Variants in SNX13 observed in about 807,000 individuals in gnomAD.
SNX13 encodes sorting nexin-13.
SNX13 carries 45 observed loss-of-function variants against 133.6 expected under a neutral mutation model. That is an observed-to-expected ratio of 0.34 (90% CI 0.27 to 0.43). SNX13 has a LOEUF of 0.43. Among genes scored for constraint, SNX13 ranks in the 20% least tolerant of loss-of-function variants. SNX13 has a pLI of 1.00. For synonymous variants in SNX13, 414 were observed against 373.9 expected, an observed-to-expected ratio of 1.11 and a Z score of -1.24; for missense variants, 1,032 against 1,145.1, an observed-to-expected ratio of 0.90 and a Z score of 1.43.
In SNX13 at chr7:17,793,167, T is replaced by G. The variant is rs946861351; in HGVS notation, c.*878A>C. On this transcript the variant is annotated 3_prime_UTR_variant, in exon 26 of 26. Transcript: ENST00000428135. ...TAACTTTCCAGACTACTATTTAAAT[T>G]TCCATATTTTTAGAAGGACAAAATG... 2 of 152,268 alleles carry G rather than the reference T, an allele frequency of 1.3e-5. No individual in the cohort carries two copies. The highest frequency in any genetic ancestry group is 2.9e-5 in the Non-Finnish European group (2 of 67,832). The allele number at this position is 152,268 out of a possible 1,614,324, so 9.4% of individuals were successfully genotyped here. A position where few individuals can be genotyped will look rare whatever the true frequency, so the allele number is the denominator to read the frequency against.
At position 17,845,834 on chromosome 7, in the gene SNX13, A is replaced by G. The variant is rs1790456932; in HGVS notation, c.1066-140T>C. On this transcript the variant is annotated intron_variant, in intron 11 of 25. Coordinates refer to ENST00000428135, the MANE Select transcript of SNX13 (RefSeq NM_015132.5). The stretch of plus-strand genomic sequence containing the variant: ...CCCTTCTCATGCATGTTGTTTCCCA[A>G]TAGATATACATTGTGTGAATTTAAA... 3 of 516,752 alleles carry G rather than the reference A, an allele frequency of 5.8e-6. No individual in the cohort carries two copies. The East Asian group carries it at 9.9e-5, about 17-fold the overall frequency. The allele number at this position is 516,752 out of a possible 1,614,324, so 32.0% of individuals were successfully genotyped here.
intron 9 of SNX13, among the ~76,000 whole-genome samples, chr7:17,863,829 C>T (rs1217954217): frequency 6.6e-6 from 1 of 152,198 alleles, no homozygotes; most frequent in African/African-American, 2.4e-5. Context: ...CAGAAACAGA[C>T]CCTTTGTAAT....
At chr7:17,896,896 G>A (rs762562589) in intron 2 of SNX13, among the ~76,000 whole-genome samples, 23 of 152,126 alleles carry the variant, frequency 1.5e-4, no homozygotes, top group Non-Finnish European at 3.2e-4. Flanking sequence ...TTTCTAGACC[G>A]AAATGACAAC....
In SNX13 at chr7:17,858,995, T is replaced by C. The variant is rs75494506; in HGVS notation, c.838-8031A>G. Among the ~76,000 whole-genome samples the C allele has an allele frequency of 9.1e-3, 1,380 of 152,124 alleles. 19 individuals are homozygous for C. The highest frequency in any genetic ancestry group is 0.032 in the African/African-American group (1,341 of 41,546). On this transcript the variant is annotated intron_variant, in intron 9 of 25. Transcript: ENST00000428135. The stretch of plus-strand genomic sequence containing the variant: ...GAACAAAATATAAAAGTAAAAATTA[T>C]AAAACTTAGCATAGGCAAATAACTT...
chr7:17,860,127 T>C (rs1461058967), intron 9 of SNX13, among the ~76,000 whole-genome samples: 1 of 152,170 alleles, frequency 6.6e-6, no homozygotes, highest in Non-Finnish European at 1.5e-5. Context: ...AGTTTAAATT[T>C]TTCCACATCC....
intron 1 of SNX13, among the ~76,000 whole-genome samples, chr7:17,925,782 G>A (rs1800678416): frequency 6.6e-6 from 1 of 150,586 alleles, no homozygotes; most frequent in Admixed American, 6.6e-5. Context: ...ACGAAGAAGG[G>A]GAAAAAAGAG....
chr7:17,923,878 C>T (rs1800425657), intron 1 of SNX13, among the ~76,000 whole-genome samples: 3 of 152,090 alleles, frequency 2.0e-5, no homozygotes, highest in African/African-American at 4.8e-5. Context: ...TAAACCCAAG[C>T]CCCCACTGCC....
At chr7:17,875,851 C>T (rs1399195065) in intron 5 of SNX13, 61 bp from the exon 6 acceptor site, 1 of 1,334,176 alleles carries the variant, frequency 7.5e-7, no homozygotes, top group East Asian at 2.4e-5. Context: ...AATATAAATT[C>T]ATTTTAATGA....
chr7:17,928,991 C>A (rs12699917), intron 1 of SNX13, among the ~76,000 whole-genome samples: 1 of 151,660 alleles, frequency 6.6e-6, no homozygotes, highest in African/African-American at 2.4e-5. Flanking sequence ...AAGCATTTTT[C>A]AAACCTATAA....
intron 1 of SNX13, among the ~76,000 whole-genome samples, chr7:17,937,524 A>C (rs2128055731): frequency 6.6e-6 from 1 of 152,016 alleles, no homozygotes; most frequent in South Asian, 2.1e-4. Context: ...AAAAAAAAAA[A>C]AAAAAAAAAA....
intron 9 of SNX13, among the ~76,000 whole-genome samples, chr7:17,857,244 A>C (rs531631535): frequency 3.1e-4 from 47 of 152,320 alleles, no homozygotes; most frequent in Admixed American, 1.4e-3. Context: ...GCAGTAGTAA[A>C]AGTATCCCAT....
At chr7:17,874,377 A>G (rs1794461468) in intron 7 of SNX13, among the ~76,000 whole-genome samples, 1 of 152,202 alleles carries the variant, frequency 6.6e-6, no homozygotes, top group Admixed American at 6.5e-5. Flanking sequence ...ATTATTGATA[A>G]GGGTTATGGT....
chr7:17,891,573 G>A lies in SNX13; in HGVS notation c.291C>T (p.Ala97=), dbSNP rs1266638394. 6.2e-7 allele frequency: 1 copy of A among 1,612,142 alleles called. No homozygotes were observed. Among genetic ancestry groups the A allele is most frequent in the Non-Finnish European group, 8.5e-7 (1 of 1,178,870 alleles). The change falls in exon 4 of 26, where the codon GCC becomes GCT. Residue 97 remains alanine (A), a synonymous_variant. Coordinates refer to ENST00000428135, the MANE Select transcript of SNX13 (RefSeq NM_015132.5). ...TIKIDRRLTG[A]NIIDEPLQQV... is the part of the protein sequence containing the mutation. ...GCTGGAGAGGTTCATCAATTATATT[G>A]GCACCCGTCAATCTTCTATCAATCT...
chr7:17,867,244 A>C (rs940525520), intron 9 of SNX13, among the ~76,000 whole-genome samples: 3 of 152,166 alleles, frequency 2.0e-5, no homozygotes, highest in Non-Finnish European at 4.4e-5. Context: ...AGAAGTACAC[A>C]ATTAATAACA....
intron 2 of SNX13, 95 bp from the exon 3 acceptor site, chr7:17,893,529 G>T: frequency 1.3e-6 from 1 of 755,952 alleles, no homozygotes; most frequent in South Asian, 2.0e-5. Flanking sequence ...TTCACAGATG[G>T]CTTATCATTT....
At chr7:17,876,918 G>A (rs552482151) in intron 5 of SNX13, among the ~76,000 whole-genome samples, 2 of 144,192 alleles carry the variant, frequency 1.4e-5, no homozygotes, top group South Asian at 4.2e-4. Flanking sequence ...AGAAAACGAA[G>A]AGTCTATTCA....
intron 5 of SNX13, among the ~76,000 whole-genome samples, chr7:17,878,047 C>T (rs967488627): frequency 1.3e-5 from 2 of 151,940 alleles, no homozygotes; most frequent in African/African-American, 4.8e-5. Context: ...AAAATCATGA[C>T]ATGATAAATA....
intron 20 of SNX13, among the ~76,000 whole-genome samples, chr7:17,811,200 G>GA (rs1785976974): frequency 6.6e-6 from 1 of 152,196 alleles, no homozygotes; most frequent in Non-Finnish European, 1.5e-5. Flanking sequence ...TAGGAAGAGA[G>GA]AAAGTCAAAT....
In SNX13 at chr7:17,891,652, A is replaced by G; in HGVS notation, c.229-17T>C. ...TTCTAAGCACTTAAAGGAAATCAAAATATCTTACTGAGTAGTTTTCTGATG... is the reference window on the plus strand; with the variant it reads ...TTCTAAGCACTTAAAGGAAATCAAAGTATCTTACTGAGTAGTTTTCTGATG... On this transcript the variant is annotated splice_polypyrimidine_tract_variant and intron_variant, in intron 3 of 25. Transcript: ENST00000428135. 1 of 1,571,848 alleles carries G rather than the reference A, an allele frequency of 6.4e-7. No individual in the cohort carries two copies. Among genetic ancestry groups the G allele is most frequent in the Non-Finnish European group, 8.7e-7 (1 of 1,143,838 alleles).
Sources: gnomAD v4.1 joint callset for allele counts (sites outside exome capture counted in the v4.1 genomes callset) on GRCh38, gnomAD v4.1.1 for gene constraint, MANE v1.5 for transcripts, NCBI Gene and HGNC (gene_info 2026-07-23, HGNC 2026-07-21) for gene names.